Variants in ENTREP2 observed in about 807,000 individuals in gnomAD.
ENTREP2 encodes the protein endosomal transmembrane epsin interactor 2, also known as protein ENTREP2.
chr15:29,231,931 C>T, the ENTREP2 span, among the ~76,000 whole-genome samples: 1 of 136,724 alleles, frequency 7.3e-6, no homozygotes, highest in Non-Finnish European at 1.5e-5. Flanking sequence ...CACTCTGCTG[C>T]CCAGGCCGGA....
chr15:29,235,566 T>G, the ENTREP2 span, among the ~76,000 whole-genome samples: 34 of 151,716 alleles, frequency 2.2e-4, no homozygotes, highest in African/African-American at 8.0e-4. Flanking sequence ...ATATGTGGAG[T>G]GCAGCTAAAG....
At chr15:29,339,793 T>C in the ENTREP2 span, among the ~76,000 whole-genome samples, 2 of 152,222 alleles carry the variant, frequency 1.3e-5, no homozygotes, top group Admixed American at 1.3e-4. Flanking sequence ...AACATTCCCG[T>C]TTAATAAACT....
At chr15:29,193,683 G>T in the ENTREP2 span, among the ~76,000 whole-genome samples, 1 of 152,206 alleles carries the variant, frequency 6.6e-6, no homozygotes, top group Admixed American at 6.5e-5. Flanking sequence ...TATTGGCTCT[G>T]TCTGGAGAAT....
At chr15:29,133,898 G>A in the ENTREP2 span, among the ~76,000 whole-genome samples, 7 of 152,042 alleles carry the variant, frequency 4.6e-5, no homozygotes, top group Admixed American at 2.0e-4. Context: ...CTTTACGGAC[G>A]ACCTTCTGTT....
chr15:29,278,322 C>T, the ENTREP2 span, among the ~76,000 whole-genome samples: 1 of 152,224 alleles, frequency 6.6e-6, no homozygotes, highest in African/African-American at 2.4e-5. Context: ...CAAGGAAGTC[C>T]TGGGAAAAGC....
chr15:29,426,328 T>C, the ENTREP2 span, among the ~76,000 whole-genome samples: 1 of 152,242 alleles, frequency 6.6e-6, no homozygotes, highest in East Asian at 1.9e-4. Flanking sequence ...TCTTCTAGCA[T>C]TTGACTTTAT....
chr15:29,634,563 G>A, the ENTREP2 span, among the ~76,000 whole-genome samples: 2 of 152,242 alleles, frequency 1.3e-5, no homozygotes, highest in East Asian at 3.9e-4. Context: ...AATCGGTTCT[G>A]CAGTGGACAC....
chr15:29,282,273 C>T, the ENTREP2 span, among the ~76,000 whole-genome samples: 4 of 152,164 alleles, frequency 2.6e-5, no homozygotes, highest in African/African-American at 9.7e-5. Flanking sequence ...TAAGGGGAAA[C>T]TCCTTTCAGC....
chr15:29,647,218 G>C, the ENTREP2 span, among the ~76,000 whole-genome samples: 2,231 of 152,292 alleles, frequency 0.015, 48 homozygotes, highest in African/African-American at 0.051. Flanking sequence ...ACATACAATA[G>C]GAACAGAGCC....
At chr15:29,439,110 A>T in the ENTREP2 span, among the ~76,000 whole-genome samples, 2 of 152,108 alleles carry the variant, frequency 1.3e-5, no homozygotes, top group Non-Finnish European at 2.9e-5. Context: ...TAAGGAGCTC[A>T]ACTAGCACCC....
chr15:29,544,561 T>C, the ENTREP2 span, among the ~76,000 whole-genome samples: 1 of 152,108 alleles, frequency 6.6e-6, no homozygotes, highest in Non-Finnish European at 1.5e-5. Context: ...TCGGTAGTTA[T>C]TTGAATAACT....
At chr15:29,554,640 G>A in the ENTREP2 span, among the ~76,000 whole-genome samples, 1 of 152,156 alleles carries the variant, frequency 6.6e-6, no homozygotes, top group African/African-American at 2.4e-5. Flanking sequence ...TATTAAGTGT[G>A]CTGAAGGAAA....
At chr15:29,657,364 A>G in the ENTREP2 span, among the ~76,000 whole-genome samples, 9 of 150,694 alleles carry the variant, frequency 6.0e-5, no homozygotes, top group Non-Finnish European at 1.5e-5. Flanking sequence ...GCAGTGTTAC[A>G]GTTCTTACAA....
the ENTREP2 span, among the ~76,000 whole-genome samples, chr15:29,156,787 C>T: frequency 1.1e-4 from 17 of 152,118 alleles, no homozygotes; most frequent in Non-Finnish European, 2.1e-4. Flanking sequence ...GAGATGCCTG[C>T]GCGTGGGCCA....
chr15:29,223,592 C>T, the ENTREP2 span, among the ~76,000 whole-genome samples: 3 of 152,134 alleles, frequency 2.0e-5, no homozygotes, highest in Admixed American at 1.3e-4. Context: ...GCTATAAATC[C>T]GAGAAACAGT....
chr15:29,153,287 C>T, the ENTREP2 span, among the ~76,000 whole-genome samples: 167 of 152,254 alleles, frequency 1.1e-3, 2 homozygotes, highest in Non-Finnish European at 1.9e-4. Flanking sequence ...TTAGTCAGCT[C>T]AGGCTGCTAT....
chr15:29,187,022 T>A, the ENTREP2 span, among the ~76,000 whole-genome samples: 1 of 152,084 alleles, frequency 6.6e-6, no homozygotes, highest in Non-Finnish European at 1.5e-5. Context: ...AGCAATAGAA[T>A]CCCAGATTTT....
chr15:29,639,856 C>T, the ENTREP2 span, among the ~76,000 whole-genome samples: 5 of 149,050 alleles, frequency 3.4e-5, no homozygotes, highest in African/African-American at 1.2e-4. Flanking sequence ...GCAACCTCTA[C>T]CTCCCAGGTT....
At chr15:29,621,209 G>A in the ENTREP2 span, among the ~76,000 whole-genome samples, 10 of 151,514 alleles carry the variant, frequency 6.6e-5, no homozygotes. Flanking sequence ...CTAACACGGT[G>A]AAACCCCGTC....
Sources: gnomAD v4.1 joint callset for allele counts (sites outside exome capture counted in the v4.1 genomes callset) on GRCh38, gnomAD v4.1.1 for gene constraint, MANE v1.5 for transcripts, NCBI Gene and HGNC (gene_info 2026-07-23, HGNC 2026-07-21) for gene names.